ALKBH1: variants seen among roughly 807,000 people sequenced by gnomAD.
The protein encoded by ALKBH1 is alkB homolog 1, histone H2A dioxygenase.
ALKBH1 carries 31 observed loss-of-function variants against 36.6 expected under a neutral mutation model. The ratio of observed to expected loss-of-function variants is 0.85; its 90% confidence interval spans 0.64 to 1.14. ALKBH1 has a LOEUF of 1.14. ALKBH1 is among the 50% of genes most tolerant of loss of function. ALKBH1 has a pLI of 0.00. For synonymous variants in ALKBH1, 183 were observed against 186.6 expected (o/e 0.98, Z 0.16); for missense variants, 490 against 497.3 (o/e 0.99, Z 0.14).
rs1400730064 is a variant in ALKBH1 at position 77,685,023 on chromosome 14, G to T, written c.456-5053C>A. On this transcript the variant is annotated intron_variant, in intron 3 of 5. Coordinates refer to ENST00000216489, the MANE Select transcript of ALKBH1 (RefSeq NM_006020.3). ...ATTTAGTCTAATATTCAAGAACAGA[G>T]AATACATTTTATAAACACAGGTTTA... Among the ~76,000 whole-genome samples the T allele has an allele frequency of 2.0e-5, 3 of 152,100 alleles. No individual in the cohort carries two copies. In the East Asian group the frequency reaches 5.8e-4, roughly 29 times the overall value.
chr14:77,691,162 A>G (rs970107063), intron 3 of ALKBH1, among the ~76,000 whole-genome samples: 5 of 152,234 alleles, frequency 3.3e-5, no homozygotes, highest in African/African-American at 1.2e-4. Context: ...TTTGGAAAAA[A>G]AAGAACAGAA....
rs751644101 is a variant in ALKBH1, at chr14:77,674,025, T to A, written c.957A>T (p.Val319=). Residue 319 remains valine, a synonymous_variant, in exon 6 of 6, where the codon GTA becomes GTT. Coordinates refer to ENST00000216489, the MANE Select transcript of ALKBH1 (RefSeq NM_006020.3). Reference sequence around the variant, plus strand: ...GCCAGTCCTCCATAGAACAAGGCTCTACCATTGAATCTCTCGGGAGGACAG... The same window carrying A: ...GCCAGTCCTCCATAGAACAAGGCTCAACCATTGAATCTCTCGGGAGGACAG... ...LPAVLPRDSM[V]EPCSMEDWQV... The A allele has an allele frequency of 5.0e-6, 8 of 1,614,164 alleles. No individual in the cohort carries two copies. In the South Asian group the frequency reaches 8.8e-5, roughly 18 times the overall value.
chr14:77,703,843 C>T (rs926168439), intron 2 of ALKBH1, among the ~76,000 whole-genome samples: 2 of 152,044 alleles, frequency 1.3e-5, no homozygotes, highest in Admixed American at 1.3e-4. Flanking sequence ...GGTGATCCAC[C>T]CACCTTGGCA....
Position 77,702,716 on chromosome 14 carries a change from G to T in ALKBH1, c.292+1653C>A, listed in dbSNP as rs575627106. Among the ~76,000 whole-genome samples, 11 of 152,084 alleles carry T rather than the reference G, an allele frequency of 7.2e-5. No homozygotes were observed. The South Asian group carries it at 2.3e-3, about 32-fold the overall frequency. ...TTAAAATTGCAGACGAATCTATTCT[G>T]CAAAATGAGATGGGTCTCATTTTGT... On this transcript the variant is annotated intron_variant, in intron 2 of 5. Transcript: ENST00000216489.
intron 5 of ALKBH1, 76 bp downstream of exon 5, chr14:77,675,576 GTATT>G: frequency 7.7e-7 from 1 of 1,302,388 alleles, no homozygotes; most frequent in East Asian, 2.4e-5. Context: ...TTAAATACCT[GTATT>G]TATTTTAGAG....
intron 3 of ALKBH1, among the ~76,000 whole-genome samples, chr14:77,681,916 T>C (rs181865756): frequency 6.6e-6 from 1 of 152,340 alleles, no homozygotes; most frequent in East Asian, 1.9e-4. Flanking sequence ...GAGAGGACTT[T>C]TGGAGGCATG....
intron 3 of ALKBH1, among the ~76,000 whole-genome samples, chr14:77,690,570 G>C (rs1200497210): frequency 5.9e-5 from 9 of 152,180 alleles, no homozygotes; most frequent in Non-Finnish European, 1.5e-5. Context: ...CTTAGACCAA[G>C]GCAGTTGTGA....
rs150395539 is a variant in ALKBH1 at position 77,673,952 on chromosome 14, G to T, written c.1030C>A (p.Arg344=). The T allele has an allele frequency of 4.3e-6, 7 of 1,614,098 alleles. No individual in the cohort carries two copies. In the South Asian group the frequency reaches 7.7e-5, roughly 18 times the overall value. ...TTCTGGTCTGTGGCCAGGACCTGTC[G>T]GACAGTCATGTTAACACGAGCGGTC... ...LKTARVNMTV[R]QVLATDQNFP... is the part of the protein sequence containing the mutation. The change falls in exon 6 of 6, where the codon CGA becomes AGA. Residue 344 remains arginine, a synonymous_variant. Transcript: ENST00000216489.
intron 2 of ALKBH1, among the ~76,000 whole-genome samples, chr14:77,703,169 G>T (rs966450660): frequency 6.6e-6 from 1 of 151,996 alleles, no homozygotes; most frequent in Non-Finnish European, 1.5e-5. Context: ...GTTTTGTAGA[G>T]ACAGGGTCTT....
intron 2 of ALKBH1, among the ~76,000 whole-genome samples, chr14:77,702,236 G>A (rs1380440297): frequency 6.6e-6 from 1 of 152,178 alleles, no homozygotes; most frequent in Non-Finnish European, 1.5e-5. Context: ...GGGAGGCAGA[G>A]GCTGCAGTGA....
chr14:77,682,776 C>A (rs941646418), intron 3 of ALKBH1, among the ~76,000 whole-genome samples: 4 of 152,156 alleles, frequency 2.6e-5, no homozygotes, highest in Non-Finnish European at 5.9e-5. Context: ...TGGCTCACTG[C>A]AACCTCCGCC....
rs2080189100 is a variant in ALKBH1 at position 77,673,795 on chromosome 14, G to A, written c.*17C>T. ...GGTAAGCAGGTGCCTGAGTAAAAAG[G>A]ATGGGATCTCCAAGTCTCAGCTGTC... On this transcript the variant is annotated 3_prime_UTR_variant, in exon 6 of 6. Coordinates refer to ENST00000216489, the MANE Select transcript of ALKBH1 (RefSeq NM_006020.3). 1 of 1,601,560 alleles carries A rather than the reference G, an allele frequency of 6.2e-7. No individual in the cohort carries two copies. Among genetic ancestry groups the A allele is most frequent in the Non-Finnish European group, 8.5e-7 (1 of 1,172,444 alleles).
intron 3 of ALKBH1, among the ~76,000 whole-genome samples, chr14:77,686,596 T>G (rs1429720163): frequency 2.0e-5 from 3 of 152,180 alleles, no homozygotes; most frequent in African/African-American, 7.2e-5. Flanking sequence ...GGTAAGCGCC[T>G]TATGTAAGCG....
chr14:77,685,705 T>A (rs77289426), intron 3 of ALKBH1, among the ~76,000 whole-genome samples: 1 of 151,324 alleles, frequency 6.6e-6, no homozygotes, highest in African/African-American at 2.4e-5. Context: ...GAGGAGAAGG[T>A]TGCAGTAGAC....
chr14:77,683,166 TTTTTTAC>T, intron 3 of ALKBH1: 1 of 500,964 alleles, frequency 2.0e-6, no homozygotes, highest in Non-Finnish European at 3.6e-6. Context: ...TTTTTTTTTT[TTTTTTAC>T]AAACAGTCCA....
chr14:77,692,861 C>T (rs1041646010), intron 3 of ALKBH1, among the ~76,000 whole-genome samples: 1 of 151,080 alleles, frequency 6.6e-6, no homozygotes, highest in Non-Finnish European at 1.5e-5. Context: ...CTCAGCCTGC[C>T]GAGTAGCTAG....
At chr14:77,689,635 A>G (rs2080286817) in intron 3 of ALKBH1, among the ~76,000 whole-genome samples, 1 of 152,188 alleles carries the variant, frequency 6.6e-6, no homozygotes, top group South Asian at 2.1e-4. Flanking sequence ...CAATGGAAGG[A>G]GACAGGGGTA....
At chr14:77,694,657 A>G in intron 3 of ALKBH1, 81 bp downstream of exon 3, 1 of 1,179,580 alleles carries the variant, frequency 8.5e-7, no homozygotes, top group East Asian at 2.8e-5. Context: ...CTTTTACTGC[A>G]TTGTTATAGA....
chr14:77,694,324 C>A (rs1328309893), intron 3 of ALKBH1, among the ~76,000 whole-genome samples: 1 of 152,158 alleles, frequency 6.6e-6, no homozygotes, highest in East Asian at 1.9e-4. Flanking sequence ...GAACAACTGA[C>A]CTATCATAAA....
Sources: allele counts gnomAD v4.1 joint callset (sites outside exome capture counted in the v4.1 genomes callset), GRCh38; gene constraint gnomAD v4.1.1; transcripts MANE v1.5; gene names NCBI Gene and HGNC (gene_info 2026-07-23, HGNC 2026-07-21).